The following TCF20 variants were observed in gnomAD, a reference collection of about 807,000 sequenced individuals.
The protein encoded by TCF20 is transcription factor 20, also known as SPRE-binding protein.
In TCF20, 3 loss-of-function variants were observed where a neutral mutation model predicts 148.6. The observed-to-expected ratio is 0.02, with a 90% CI of 0.01 to 0.05. The LOEUF (loss-of-function observed/expected upper bound fraction) is 0.05, where lower values mean the gene tolerates loss of function less well. TCF20 is among the 10% of genes least tolerant of loss of function. The pLI is 1.00. For missense variants in TCF20, 2,350 were observed against 2,429.3 expected, an observed-to-expected ratio of 0.97 and a Z score of 0.69; for synonymous variants, 1,049 against 909.5, an observed-to-expected ratio of 1.15 and a Z score of -2.76.
In TCF20 at chr22:42,210,630, G is replaced by T; in HGVS notation, c.4676C>A (p.Pro1559Gln). 1 of 1,614,172 alleles carries T rather than the reference G, an allele frequency of 6.2e-7. No individual in the cohort carries two copies. Among genetic ancestry groups the T allele is most frequent in the East Asian group, 2.2e-5 (1 of 44,882 alleles). ...KQKKQQQPPPPPPQPPQIPEG... is the reference protein window; with the variant it reads ...KQKKQQQPPPQPPQPPQIPEG... ...TGGTATCTGTGGGGGCTGAGGGGGT[G>T]GAGGCGGTGGCTGCTGCTGTTTCTT... The change falls in exon 2 of 6, where the codon CCA becomes CAA. Residue 1559 changes from proline to glutamine, a missense_variant. Transcript: ENST00000677622. The surrounding 1 kb of genome is among the most constrained non-coding windows in gnomAD (Gnocchi z 4.7).
At chr22:42,229,257 G>A (rs1923186203) in intron 1 of TCF20, among the ~76,000 whole-genome samples, 1 of 152,134 alleles carries the variant, frequency 6.6e-6, no homozygotes, top group African/African-American at 2.4e-5. Context: ...GGAATGGCAA[G>A]GTAAGCACAC....
At chr22:42,266,277 C>G (rs1156280523) in intron 1 of TCF20, among the ~76,000 whole-genome samples, 1 of 152,148 alleles carries the variant, frequency 6.6e-6, no homozygotes, top group African/African-American at 2.4e-5. Context: ...GGTCATCTAT[C>G]TCTAAGGTCA....
chr22:42,335,667 CA>C (rs1163039782), intron 1 of TCF20, among the ~76,000 whole-genome samples: 1 of 152,172 alleles, frequency 6.6e-6, no homozygotes, highest in East Asian at 1.9e-4. Flanking sequence ...GAAGGCATAG[CA>C]GGGGCAGAGA....
At chr22:42,270,730 C>G (rs1459110715), upstream of TCF20, among the ~76,000 whole-genome samples, 1 of 117,128 alleles carries the variant, frequency 8.5e-6, no homozygotes, top group African/African-American at 3.1e-5. Context: ...GGGCGCGCGG[C>G]GGGGCGGGGC....
At chr22:42,318,053 G>A (rs118186267) in intron 1 of TCF20, among the ~76,000 whole-genome samples, 10 of 152,324 alleles carry the variant, frequency 6.6e-5, no homozygotes, top group Admixed American at 2.0e-4. Context: ...AAGCACCCCC[G>A]GCCCGCTTAC....
At chr22:42,274,451 G>C (rs1926726926), upstream of TCF20, 1 of 152,312 alleles carries the variant, frequency 6.6e-6, no homozygotes, top group Non-Finnish European at 1.5e-5. Flanking sequence ...GTCAGGGGAG[G>C]CTCTAAAGTT....
chr22:42,311,114 G>T (rs1239047307), intron 1 of TCF20, among the ~76,000 whole-genome samples: 1 of 152,202 alleles, frequency 6.6e-6, no homozygotes, highest in African/African-American at 2.4e-5. Context: ...GGGACAGGGG[G>T]GTGGCCAGGC....
intron 1 of TCF20, among the ~76,000 whole-genome samples, chr22:42,315,218 C>T (rs542302441): frequency 6.6e-6 from 1 of 152,138 alleles, no homozygotes; most frequent in Non-Finnish European, 1.5e-5. Context: ...AATCACCAGC[C>T]ACCTAATGGG....
chr22:42,327,782 C>T (rs1016570497), intron 1 of TCF20, among the ~76,000 whole-genome samples: 2 of 151,126 alleles, frequency 1.3e-5, no homozygotes, highest in Non-Finnish European at 2.9e-5. Flanking sequence ...TCTGACATCT[C>T]ATGTGACCGC....
chr22:42,264,190 C>T (rs1001898297), intron 1 of TCF20, among the ~76,000 whole-genome samples: 1 of 150,892 alleles, frequency 6.6e-6, no homozygotes, highest in African/African-American at 2.4e-5. Context: ...CCTTGACATC[C>T]CCACCCCCCT....
intron 1 of TCF20, among the ~76,000 whole-genome samples, chr22:42,303,160 C>T (rs1004430855): frequency 5.9e-5 from 9 of 152,236 alleles, no homozygotes; most frequent in African/African-American, 2.2e-4. Flanking sequence ...AAACTCCTGA[C>T]CTCATGTGAT....
chr22:42,263,505 A>G (rs555501822), intron 1 of TCF20, among the ~76,000 whole-genome samples: 2 of 152,206 alleles, frequency 1.3e-5, no homozygotes, highest in African/African-American at 2.4e-5. Context: ...CTCTTTTTCA[A>G]TTCTAGAAAC....
Position 42,210,431 on chromosome 22 carries a change from A to T in TCF20, c.4875T>A (p.Asp1625Glu). 6.2e-7 allele frequency: 1 copy of T among 1,614,214 alleles called. No individual in the cohort carries two copies. The highest frequency in any genetic ancestry group is 8.5e-7 in the Non-Finnish European group (1 of 1,180,038). ...KYATQPLDKTDAKNKSFYPYI... is the reference protein window; with the variant it reads ...KYATQPLDKTEAKNKSFYPYI... ...AAGGGTAAAAAGACTTGTTCTTGGC[A>T]TCAGTTTTATCCAGTGGCTGGGTGG... Residue 1625 changes from aspartate to glutamate, a missense_variant, in exon 2 of 6, where the codon GAT becomes GAA. Asp to Glu is a conservative substitution (Grantham distance 45). Coordinates refer to ENST00000677622, the MANE Select transcript of TCF20 (RefSeq NM_001378418.1). This position sits in a 1 kb window ranked among gnomAD's most constrained non-coding sequence, Gnocchi z 4.7.
intron 1 of TCF20, among the ~76,000 whole-genome samples, chr22:42,281,531 C>T (rs535605375): frequency 2.0e-5 from 3 of 152,360 alleles, no homozygotes; most frequent in East Asian, 1.9e-4. Context: ...ACCTTGGATG[C>T]GCTGTTCTTG....
chr22:42,243,310 A>AAAAAAAAAAAACAAAAAAAAAC (rs1569180401), intron 1 of TCF20, among the ~76,000 whole-genome samples: 1 of 140,864 alleles, frequency 7.1e-6, no homozygotes, highest in African/African-American at 3.0e-5. Flanking sequence ...AAAAAAAAAA[A>AAAAAAAAAAAACAAAAAAAAAC]AAAAAAAAAA....
chr22:42,224,354 C>A (rs1473856271), intron 1 of TCF20, among the ~76,000 whole-genome samples: 2 of 151,698 alleles, frequency 1.3e-5, no homozygotes, highest in Non-Finnish European at 2.9e-5. Context: ...CACCTGTAGT[C>A]CCAGCTACTC....
intron 1 of TCF20, among the ~76,000 whole-genome samples, chr22:42,251,165 A>C (rs1925333483): frequency 6.6e-6 from 1 of 152,156 alleles, no homozygotes; most frequent in Non-Finnish European, 1.5e-5. Flanking sequence ...TGTTTCTCAA[A>C]TAAATCCCCT....
intron 1 of TCF20, among the ~76,000 whole-genome samples, chr22:42,238,653 T>C (rs1924095414): frequency 1.3e-5 from 2 of 152,196 alleles, no homozygotes; most frequent in African/African-American, 4.8e-5. Flanking sequence ...GGTTATTAAC[T>C]GACCTAACTT....
In TCF20 at chr22:42,317,640, G is replaced by A. The variant is rs368286624; in HGVS notation, c.-37+25839C>T. Among the ~76,000 whole-genome samples the A allele has an allele frequency of 3.3e-5, 5 of 152,250 alleles. No homozygotes were observed. Among genetic ancestry groups the A allele is most frequent in the Admixed American group, 6.5e-5 (1 of 15,300 alleles). ...AGGAGGGCTCTGCTCCTGCATTCCC[G>A]CTGGGGGCTGGGGGGGAAAGGGGTG... On this transcript the variant is annotated intron_variant, in intron 1 of 1. Coordinates refer to the TCF20 transcript ENST00000515426. This position sits in a 1 kb window ranked among gnomAD's most constrained non-coding sequence, Gnocchi z 4.2.
Sources: allele counts gnomAD v4.1 joint callset (sites outside exome capture counted in the v4.1 genomes callset), GRCh38; gene constraint gnomAD v4.1.1; non-coding constraint Gnocchi (gnomAD v3.1); transcripts MANE v1.5; gene names NCBI Gene and HGNC (gene_info 2026-07-23, HGNC 2026-07-21).